The following CENPF variants were observed in gnomAD, a reference collection of about 807,000 sequenced individuals.
CENPF encodes centromere protein F.
In CENPF, 214 loss-of-function variants were observed where a neutral mutation model predicts 307.3. The ratio of observed to expected loss-of-function variants is 0.70; its 90% confidence interval spans 0.62 to 0.78. CENPF has a LOEUF of 0.78. Ranked by LOEUF, CENPF falls within the 30% of genes least tolerant of loss-of-function variation. The probability of loss-of-function intolerance (pLI) is 0.00; values close to 1 mark genes in which losing one functional copy is unlikely to be tolerated. For synonymous variants in CENPF, 1,259 were observed against 1,270.6 expected, an observed-to-expected ratio of 0.99 and a Z score of 0.19; for missense variants, 3,401 against 3,483.9, an observed-to-expected ratio of 0.98 and a Z score of 0.60.
intron 3 of CENPF, among the ~76,000 whole-genome samples, chr1:214,615,784 CA>C (rs1438472176): frequency 1.3e-5 from 2 of 152,058 alleles, no homozygotes; most frequent in Non-Finnish European, 2.9e-5. Flanking sequence ...ACTAAAAATA[CA>C]AAAATTAGCG....
chr1:214,643,237 A>C lies in CENPF; in HGVS notation c.4899A>C (p.Gln1633His). 6.3e-7 allele frequency: 1 copy of C among 1,595,186 alleles called. No homozygotes were observed. Among genetic ancestry groups the C allele is most frequent in the Non-Finnish European group, 8.5e-7 (1 of 1,173,554 alleles). The change falls in exon 12 of 20, where the codon CAA becomes CAC. Residue 1633 changes from glutamine (Q) to histidine (H), a missense_variant. Transcript: ENST00000366955. ...CGGCAGAAAAGAAACAGACGGAACA[A>C]CTGTCACTTGAGCTGGAAGTAGCAC... ...KLAAEKKQTEQLSLELEVARL... is the reference protein window; with the variant it reads ...KLAAEKKQTEHLSLELEVARL...
At chr1:214,655,639 C>T (rs1265292601) in intron 17 of CENPF, among the ~76,000 whole-genome samples, 1 of 152,082 alleles carries the variant, frequency 6.6e-6, no homozygotes, top group African/African-American at 2.4e-5. Context: ...GCTGTGTCAC[C>T]CAGGTGGGAG....
rs1190989715 is a variant in CENPF at position 214,640,979 on chromosome 1, A to T, written c.2641A>T (p.Thr881Ser). ...EQMHQSFVAE[T>S]SQRISKLQED... ...GATGCATCAAAGTTTTGTGGCTGAAACAAGTCAGCGCATTAGTAAGTTACA... is the reference window on the plus strand; with the variant it reads ...GATGCATCAAAGTTTTGTGGCTGAATCAAGTCAGCGCATTAGTAAGTTACA... Residue 881 changes from threonine to serine, a missense_variant, in exon 12 of 20, where the codon ACA (threonine) becomes TCA (serine). Transcript: ENST00000366955. 6.3e-7 allele frequency: 1 copy of T among 1,597,586 alleles called. No individual in the cohort carries two copies.
Position 214,641,387 on chromosome 1 carries a change from C to A in CENPF, c.3049C>A (p.Gln1017Lys). Residue 1017 changes from glutamine to lysine, a missense_variant, in exon 12 of 20, where the codon CAG becomes AAG. Transcript: ENST00000366955. ...REKSISELSD[Q>K]YKQEKLILLQ... ...GAAAAGCATTTCAGAGTTATCTGAT[C>A]AGTACAAGCAAGAAAAACTTATTTT... 2 of 1,583,862 alleles carry A rather than the reference C, an allele frequency of 1.3e-6. No homozygotes were observed. The highest frequency in any genetic ancestry group is 1.2e-5 in the South Asian group (1 of 84,932).
chr1:214,646,945 A>G lies in CENPF; in HGVS notation c.7375A>G (p.Asn2459Asp). Reference protein sequence around the residue: ...ELNERVAALHNDQEACKAKEQ... With the variant: ...ELNERVAALHDDQEACKAKEQ... ...CAATGAGAGAGTGGCAGCCCTGCAT[A>G]ATGACCAAGAAGCCTGTAAGGCCAA... is the stretch of plus-strand genomic sequence containing the variant. Residue 2459 changes from asparagine (N) to aspartate (D), a missense_variant, in exon 13 of 20, where the codon AAT becomes GAT. Coordinates refer to ENST00000366955, the MANE Select transcript of CENPF (RefSeq NM_016343.4). The G allele has an allele frequency of 6.2e-7, 1 of 1,614,094 alleles. No individual in the cohort carries two copies. Among genetic ancestry groups the G allele is most frequent in the Non-Finnish European group, 8.5e-7 (1 of 1,179,974 alleles).
chr1:214,606,390 TCTC>T (rs890827437), intron 1 of CENPF, among the ~76,000 whole-genome samples: 7 of 151,858 alleles, frequency 4.6e-5, no homozygotes, highest in South Asian at 2.1e-4. Context: ...CCCTGGCGCC[TCTC>T]CTCCTGATCA....
In CENPF at chr1:214,657,706, G is replaced by A. The variant is rs74392374; in HGVS notation, c.8962+297G>A. Among the ~76,000 whole-genome samples, 3,707 of 152,286 alleles carry A rather than the reference G, an allele frequency of 0.024. 72 individuals are homozygous for A. The highest frequency in any genetic ancestry group is 0.049 in the South Asian group (237 of 4,826). On this transcript the variant is annotated intron_variant, in intron 18 of 19. Coordinates refer to ENST00000366955, the MANE Select transcript of CENPF (RefSeq NM_016343.4). Reference sequence around the variant, plus strand: ...TATTAAATTAAGGACTCCCGTCAGCGTTTCCTACCCGTTGGTCATGTCTGA... The same window carrying A: ...TATTAAATTAAGGACTCCCGTCAGCATTTCCTACCCGTTGGTCATGTCTGA...
At chr1:214,623,419 C>T (rs1657570340) in intron 7 of CENPF, among the ~76,000 whole-genome samples, 1 of 152,086 alleles carries the variant, frequency 6.6e-6, no homozygotes, top group African/African-American at 2.4e-5. Context: ...ACTTGATCAT[C>T]CTCAGATTTT....
At chr1:214,652,137 A>G (rs1487785974) in intron 15 of CENPF, among the ~76,000 whole-genome samples, 4 of 137,766 alleles carry the variant, frequency 2.9e-5, no homozygotes, top group Admixed American at 1.5e-4. Flanking sequence ...CCAGGTTTGC[A>G]CCATTCTCCT....
In CENPF at chr1:214,606,041, T is replaced by C. The variant is rs1657019581; in HGVS notation, c.-42+2720T>C. The C allele has an allele frequency of 2.5e-6, 4 of 1,595,426 alleles. No homozygotes were observed. The South Asian group carries it at 4.4e-5, about 18-fold the overall frequency. On this transcript the variant is annotated intron_variant, in intron 1 of 19. Coordinates refer to ENST00000366955, the MANE Select transcript of CENPF (RefSeq NM_016343.4). Reference sequence around the variant, plus strand: ...CACGGTGGGCACCGTGCCGATGCTCTGCCCGTACAGGATGATGCTGTCCGG... The same window carrying C: ...CACGGTGGGCACCGTGCCGATGCTCCGCCCGTACAGGATGATGCTGTCCGG...
At position 214,657,345 on chromosome 1, in the gene CENPF, C is replaced by T; in HGVS notation, c.8898C>T (p.His2966=). ...AGAAAGCAGTCATGAGTGGTATTCA[C>T]CCTGCAGAAGACACGGAAGGTACTG... ...KSKKAVMSGI[H]PAEDTEGTEF... The change falls in exon 18 of 20, where the codon CAC becomes CAT. Residue 2966 remains histidine (H), a synonymous_variant. Coordinates refer to ENST00000366955, the MANE Select transcript of CENPF (RefSeq NM_016343.4). 1 of 1,613,262 alleles carries T rather than the reference C, an allele frequency of 6.2e-7. No homozygotes were observed. Among genetic ancestry groups the T allele is most frequent in the Non-Finnish European group, 8.5e-7 (1 of 1,180,004 alleles).
rs1156629997 is a variant in CENPF at position 214,605,895 on chromosome 1, C to T, written c.-42+2574C>T. 11 of 1,597,228 alleles carry T rather than the reference C, an allele frequency of 6.9e-6. No individual in the cohort carries two copies. The African/African-American group carries it at 9.4e-5, about 14-fold the overall frequency. ...GGCGACGTGATCTTGGACACCTTCTCGATGTTAGGGAAGGCGTCGAAGCAG... is the reference window on the plus strand; with the variant it reads ...GGCGACGTGATCTTGGACACCTTCTTGATGTTAGGGAAGGCGTCGAAGCAG... On this transcript the variant is annotated intron_variant, in intron 1 of 19. Coordinates refer to ENST00000366955, the MANE Select transcript of CENPF (RefSeq NM_016343.4).
intron 18 of CENPF, 84 bp downstream of exon 18, chr1:214,657,493 G>GT: frequency 9.7e-7 from 1 of 1,033,148 alleles, no homozygotes; most frequent in Non-Finnish European, 1.4e-6. Flanking sequence ...AAAAGTATTT[G>GT]CTTTTTTACA....
chr1:214,635,711 C>T (rs1368224703), intron 10 of CENPF, among the ~76,000 whole-genome samples: 1 of 152,150 alleles, frequency 6.6e-6, no homozygotes, highest in Non-Finnish European at 1.5e-5. Context: ...CTGAACATTT[C>T]TTCGTTAGAC....
chr1:214,626,809 A>G (rs1657667424), intron 7 of CENPF, among the ~76,000 whole-genome samples: 1 of 152,216 alleles, frequency 6.6e-6, no homozygotes, highest in African/African-American at 2.4e-5. Context: ...AGCTGTTATT[A>G]TCATGGCTTA....
chr1:214,648,389 A>G, intron 13 of CENPF: 1 of 536,608 alleles, frequency 1.9e-6, no homozygotes, highest in Non-Finnish European at 3.4e-6. Flanking sequence ...GTTTAATTCA[A>G]ATTAATACCT....
In CENPF at chr1:214,652,934, T is replaced by G. The variant is rs769492757; in HGVS notation, c.8267T>G (p.Leu2756Arg). The change falls in exon 16 of 20, where the codon CTC becomes CGC. Residue 2756 changes from leucine (L) to arginine (R), a missense_variant. By Grantham distance (102) the Leu-to-Arg change is moderately radical. Coordinates refer to ENST00000366955, the MANE Select transcript of CENPF (RefSeq NM_016343.4). ...IDLLKSSKEELNNSLKATTQI... is the reference protein window; with the variant it reads ...IDLLKSSKEERNNSLKATTQI... The stretch of plus-strand genomic sequence containing the variant: ...CTTTTAAAGTCTAGTAAAGAAGAGC[T>G]CAATAATTCATTGAAAGCTACTACT... 2.5e-6 allele frequency: 4 copies of G among 1,607,662 alleles called. No homozygotes were observed. Among genetic ancestry groups the G allele is most frequent in the Non-Finnish European group, 2.5e-6 (3 of 1,178,130 alleles).
chr1:214,605,463 T>C, intron 1 of CENPF: 1 of 538,836 alleles, frequency 1.9e-6, no homozygotes, highest in East Asian at 3.1e-5. Flanking sequence ...TTTTAAATTT[T>C]AAATCTTTAA....
chr1:214,648,273 A>G (rs1184668461), intron 13 of CENPF, among the ~76,000 whole-genome samples: 1 of 152,212 alleles, frequency 6.6e-6, no homozygotes, highest in Non-Finnish European at 1.5e-5. Flanking sequence ...ACTGTTTTTC[A>G]GTAATCATAA....
Sources: gnomAD v4.1 joint callset for allele counts (sites outside exome capture counted in the v4.1 genomes callset) on GRCh38, gnomAD v4.1.1 for gene constraint, MANE v1.5 for transcripts, NCBI Gene and HGNC (gene_info 2026-07-23, HGNC 2026-07-21) for gene names.